Variants in DPYD observed in about 807,000 individuals in gnomAD.
The protein encoded by DPYD is dihydropyrimidine dehydrogenase.
In DPYD, 109 loss-of-function variants were observed where a neutral mutation model predicts 116.2. The observed-to-expected ratio is 0.94, with a 90% CI of 0.80 to 1.10. The LOEUF is 1.10. Ranked by LOEUF, DPYD falls within the 50% of genes least tolerant of loss-of-function variation. The pLI, the probability that DPYD is intolerant of heterozygous loss-of-function variation, is 0.00. For synonymous variants in DPYD, 440 were observed against 432.0 expected (o/e 1.02, Z -0.23); for missense variants, 1,302 against 1,254.5 (o/e 1.04, Z -0.57).
intron 19 of DPYD, among the ~76,000 whole-genome samples, chr1:97,228,448 G>T (rs1190069424): frequency 1.3e-5 from 2 of 151,998 alleles, no homozygotes; most frequent in Non-Finnish European, 2.9e-5. Flanking sequence ...TTTTAGCAGT[G>T]AACTCACTTA....
intron 2 of DPYD, among the ~76,000 whole-genome samples, chr1:97,848,627 T>C (rs1233683026): frequency 6.6e-6 from 1 of 152,192 alleles, no homozygotes; most frequent in Non-Finnish European, 1.5e-5. Flanking sequence ...TTATATACAA[T>C]AATGCTTAAT....
intron 7 of DPYD, 79 bp from the exon 8 acceptor site, chr1:97,679,261 G>A (rs1660312936): frequency 5.2e-6 from 4 of 769,948 alleles, no homozygotes; most frequent in Non-Finnish European, 8.4e-6. Flanking sequence ...CAAAAAGAAT[G>A]AAAAGTCAGC....
chr1:97,801,793 T>C (rs540595397), intron 3 of DPYD, among the ~76,000 whole-genome samples: 7 of 151,876 alleles, frequency 4.6e-5, no homozygotes, highest in Non-Finnish European at 1.0e-4. Context: ...CTCTCCCTTA[T>C]TGAAATTTCA....
At chr1:97,419,010 C>T (rs1674435598) in intron 14 of DPYD, among the ~76,000 whole-genome samples, 1 of 152,154 alleles carries the variant, frequency 6.6e-6, no homozygotes, top group African/African-American at 2.4e-5. Context: ...AATTCTTACT[C>T]CCAGACAATG....
At chr1:97,378,140 A>T (rs556198714) in intron 15 of DPYD, among the ~76,000 whole-genome samples, 1 of 152,322 alleles carries the variant, frequency 6.6e-6, no homozygotes, top group South Asian at 2.1e-4. Flanking sequence ...TCTGAGATAG[A>T]CCTGGGACAG....
intron 2 of DPYD, among the ~76,000 whole-genome samples, chr1:97,829,165 A>G (rs1321730085): frequency 2.6e-5 from 4 of 151,878 alleles, no homozygotes; most frequent in Non-Finnish European, 5.9e-5. Context: ...AAGAAAAACT[A>G]AATGACAAAA....
At chr1:97,694,403 A>G (rs371370727) in intron 6 of DPYD, among the ~76,000 whole-genome samples, 1 of 152,342 alleles carries the variant, frequency 6.6e-6, no homozygotes, top group East Asian at 1.9e-4. Context: ...AATGTGAACA[A>G]GTGTTTCAAA....
intron 18 of DPYD, among the ~76,000 whole-genome samples, chr1:97,299,041 C>G (rs923938200): frequency 5.3e-5 from 8 of 152,112 alleles, no homozygotes; most frequent in Non-Finnish European, 1.0e-4. Context: ...ATCCAATGTA[C>G]TGTACCATTG....
At chr1:97,457,959 C>G (rs1676784557) in intron 13 of DPYD, among the ~76,000 whole-genome samples, 1 of 152,118 alleles carries the variant, frequency 6.6e-6, no homozygotes, top group East Asian at 1.9e-4. Context: ...CGTGATTAAT[C>G]AACAGACAGA....
chr1:97,483,481 G>C (rs553868187), intron 13 of DPYD, among the ~76,000 whole-genome samples: 1 of 152,122 alleles, frequency 6.6e-6, no homozygotes, highest in Non-Finnish European at 1.5e-5. Flanking sequence ...GGAGGCGAAC[G>C]ACACTGACTC....
At chr1:97,345,381 C>G (rs893053744) in intron 16 of DPYD, among the ~76,000 whole-genome samples, 1 of 151,094 alleles carries the variant, frequency 6.6e-6, no homozygotes, top group Non-Finnish European at 1.5e-5. Context: ...ACAAAATGGG[C>G]TCTACATTTT....
intron 13 of DPYD, among the ~76,000 whole-genome samples, chr1:97,454,622 T>C (rs979718599): frequency 2.6e-5 from 4 of 151,940 alleles, no homozygotes; most frequent in Non-Finnish European, 5.9e-5. Context: ...ATAACTACCA[T>C]TATAACATCA....
intron 3 of DPYD, among the ~76,000 whole-genome samples, chr1:97,765,129 G>T (rs1004759923): frequency 3.3e-5 from 5 of 152,052 alleles, no homozygotes; most frequent in African/African-American, 1.2e-4. Context: ...TAAATGCCTT[G>T]ACCTTTTTCA....
chr1:97,891,598 A>C (rs1007355540), intron 1 of DPYD, among the ~76,000 whole-genome samples: 2 of 151,922 alleles, frequency 1.3e-5, no homozygotes, highest in Admixed American at 1.3e-4. Flanking sequence ...AACTAGAATT[A>C]TACATCTAAA....
At chr1:97,811,208 A>C (rs1668334620) in intron 3 of DPYD, among the ~76,000 whole-genome samples, 2 of 152,128 alleles carry the variant, frequency 1.3e-5, no homozygotes, top group East Asian at 1.9e-4. Context: ...TCCTCTTTGT[A>C]GAATTATCTT....
intron 11 of DPYD, among the ~76,000 whole-genome samples, chr1:97,558,130 C>G (rs963143822): frequency 6.6e-6 from 1 of 152,186 alleles, no homozygotes; most frequent in East Asian, 1.9e-4. Flanking sequence ...TTCACAGATT[C>G]AGCCTTGAGA....
intron 20 of DPYD, among the ~76,000 whole-genome samples, chr1:97,118,631 TA>T (rs1652171353): frequency 6.6e-6 from 1 of 152,152 alleles, no homozygotes. Flanking sequence ...CAATACTCAA[TA>T]AGGAGATTCA....
chr1:97,724,298 GGGGGGGGGGGTGTGTGTGTGTGTGTGT>G (rs1317841135), intron 4 of DPYD, among the ~76,000 whole-genome samples: 1,040 of 18,712 alleles, frequency 0.056, 37 homozygotes, highest in South Asian at 0.19. Flanking sequence ...GTATGTGGGG[GGGGGGGGGGGTGTGTGTGTGTGTGTGT>G]GTGTGTGTGT....
chr1:97,159,381 C>T (rs1407612505), intron 20 of DPYD, among the ~76,000 whole-genome samples: 1 of 151,876 alleles, frequency 6.6e-6, no homozygotes, highest in African/African-American at 2.4e-5. Context: ...ATTGTCCAAT[C>T]TGAAAAACAG....
Sources: allele counts gnomAD v4.1 joint callset (sites outside exome capture counted in the v4.1 genomes callset), GRCh38; gene constraint gnomAD v4.1.1; transcripts MANE v1.5; gene names NCBI Gene and HGNC (gene_info 2026-07-23, HGNC 2026-07-21).